Variants in LHFPL3 observed in about 807,000 individuals in gnomAD.
LHFPL3 encodes LHFPL tetraspan subfamily member 3 protein.
In LHFPL3, 5 loss-of-function variants were observed where a neutral mutation model predicts 19.3. The observed-to-expected ratio is 0.26, with a 90% CI of 0.14 to 0.54. The LOEUF (loss-of-function observed/expected upper bound fraction) is 0.54. LHFPL3 is among the 20% of genes least tolerant of loss of function. LHFPL3 has a pLI of 0.94. For missense variants in LHFPL3, 249 were observed against 307.4 expected, an observed-to-expected ratio of 0.81 and a Z score of 1.42; for synonymous variants, 133 against 126.2, an observed-to-expected ratio of 1.05 and a Z score of -0.36.
chr7:104,599,476 A>G (rs1354318950), intron 1 of LHFPL3, among the ~76,000 whole-genome samples: 1 of 152,172 alleles, frequency 6.6e-6, no homozygotes, highest in Non-Finnish European at 1.5e-5. Flanking sequence ...CACATTCTCC[A>G]TCCTCTGTTT....
chr7:104,637,212 C>G (rs1463396652), intron 1 of LHFPL3, among the ~76,000 whole-genome samples: 2 of 152,142 alleles, frequency 1.3e-5, no homozygotes, highest in African/African-American at 2.4e-5. Flanking sequence ...CCTTTGCCCA[C>G]TTTTTAATGG....
At chr7:104,704,038 A>T (rs73415632) in intron 1 of LHFPL3, among the ~76,000 whole-genome samples, 56,987 of 151,994 alleles carry the variant, frequency 0.37, 10,969 homozygotes, top group East Asian at 0.53. Context: ...TTAAGCTGCT[A>T]TAAGTTCTCC....
intron 1 of LHFPL3, among the ~76,000 whole-genome samples, chr7:104,689,004 A>C (rs1192147846): frequency 2.6e-5 from 4 of 152,096 alleles, no homozygotes. Context: ...CTAGTAGTTT[A>C]TTTGCTTGGT....
chr7:104,768,970 T>C (rs1378022009), intron 2 of LHFPL3: 1 of 152,262 alleles, frequency 6.6e-6, no homozygotes, highest in African/African-American at 2.4e-5. Context: ...CATCAGCTGT[T>C]GACTGCAGTT....
chr7:104,879,517 C>A (rs567137281), intron 2 of LHFPL3, among the ~76,000 whole-genome samples: 1 of 152,004 alleles, frequency 6.6e-6, no homozygotes, highest in African/African-American at 2.4e-5. Flanking sequence ...GCTAGGAGTT[C>A]GAGACCAGCC....
chr7:104,769,393 C>T (rs1174980510), intron 2 of LHFPL3, among the ~76,000 whole-genome samples: 2 of 152,190 alleles, frequency 1.3e-5, no homozygotes, highest in Non-Finnish European at 2.9e-5. Flanking sequence ...AAGTATACAT[C>T]TATTAAGTTG....
intron 1 of LHFPL3, among the ~76,000 whole-genome samples, chr7:104,347,928 T>G (rs966315217): frequency 6.6e-6 from 1 of 152,036 alleles, no homozygotes; most frequent in African/African-American, 2.4e-5. Flanking sequence ...TGCCTTGTTT[T>G]CTGATACACA....
intron 1 of LHFPL3, among the ~76,000 whole-genome samples, chr7:104,657,222 T>C (rs1792137189): frequency 6.6e-6 from 1 of 152,270 alleles, no homozygotes. Flanking sequence ...CAACTCTATA[T>C]ATTCTTAAAC....
intron 1 of LHFPL3, among the ~76,000 whole-genome samples, chr7:104,589,580 T>G (rs926608681): frequency 6.6e-6 from 1 of 152,156 alleles, no homozygotes; most frequent in Non-Finnish European, 1.5e-5. Flanking sequence ...TCTCTTTTTT[T>G]GTTGTGTCTC....
At chr7:104,351,346 A>G (rs1399942490) in intron 1 of LHFPL3, among the ~76,000 whole-genome samples, 5 of 152,106 alleles carry the variant, frequency 3.3e-5, no homozygotes, top group African/African-American at 2.4e-5. Context: ...AGCCCATTTC[A>G]CTTCTCTGAT....
intron 1 of LHFPL3, among the ~76,000 whole-genome samples, chr7:104,593,517 TGATTTG>T (rs1197890947): frequency 1.3e-5 from 2 of 152,152 alleles, no homozygotes; most frequent in African/African-American, 4.8e-5. Context: ...TATACTCTGT[TGATTTG>T]GGGTGGAGAG....
chr7:104,430,417 T>TAA (rs1791958875), intron 1 of LHFPL3, among the ~76,000 whole-genome samples: 1 of 22,660 alleles, frequency 4.4e-5, no homozygotes, highest in Non-Finnish European at 7.2e-5. Flanking sequence ...TATATATATA[T>TAA]ACATATATAT....
intron 1 of LHFPL3, among the ~76,000 whole-genome samples, chr7:104,540,189 G>A (rs992918473): frequency 6.6e-6 from 1 of 152,084 alleles, no homozygotes; most frequent in African/African-American, 2.4e-5. Context: ...GCTGTGATAG[G>A]AGAATGAGAT....
chr7:104,748,219 A>T (rs553585343), intron 2 of LHFPL3, among the ~76,000 whole-genome samples: 1 of 151,774 alleles, frequency 6.6e-6, no homozygotes, highest in African/African-American at 2.4e-5. Context: ...AAACTGCGGA[A>T]GGCCGCAGGG....
chr7:104,854,597 T>G (rs1791467807), intron 2 of LHFPL3, among the ~76,000 whole-genome samples: 1 of 152,236 alleles, frequency 6.6e-6, no homozygotes, highest in African/African-American at 2.4e-5. Context: ...TATCTTCTTA[T>G]ACTCAACACA....
At chr7:104,662,506 T>C (rs1396985470) in intron 1 of LHFPL3, among the ~76,000 whole-genome samples, 1 of 152,166 alleles carries the variant, frequency 6.6e-6, no homozygotes, top group African/African-American at 2.4e-5. Flanking sequence ...AAAATGAAGG[T>C]GCCTAGGGTC....
At chr7:104,590,773 C>A (rs867992828) in intron 1 of LHFPL3, among the ~76,000 whole-genome samples, 3 of 152,250 alleles carry the variant, frequency 2.0e-5, no homozygotes, top group African/African-American at 7.2e-5. Flanking sequence ...TCTCTAAGGA[C>A]TTGCTTTATG....
At chr7:104,339,109 G>A (rs1442100282) in intron 1 of LHFPL3, among the ~76,000 whole-genome samples, 1 of 152,100 alleles carries the variant, frequency 6.6e-6, no homozygotes, top group Non-Finnish European at 1.5e-5. Flanking sequence ...TTAGTCAGGT[G>A]TGATGGCGAG....
chr7:104,464,201 C>T (rs1792731283), intron 1 of LHFPL3, among the ~76,000 whole-genome samples: 1 of 152,234 alleles, frequency 6.6e-6, no homozygotes, highest in Admixed American at 6.5e-5. Context: ...CTCCTTGTCT[C>T]ACGCCCGGGT....
Sources: allele counts gnomAD v4.1 joint callset (sites outside exome capture counted in the v4.1 genomes callset), GRCh38; gene constraint gnomAD v4.1.1; transcripts MANE v1.5; gene names NCBI Gene and HGNC (gene_info 2026-07-23, HGNC 2026-07-21).